The following DSCAML1 variants were observed in gnomAD, a reference collection of about 807,000 sequenced individuals.
DSCAML1 encodes DS cell adhesion molecule like 1, also known as cell adhesion molecule DSCAML1.
DSCAML1 carries 38 observed loss-of-function variants against 200.5 expected under a neutral mutation model. The observed-to-expected ratio is 0.19, with a 90% confidence interval of 0.15 to 0.25. The LOEUF is 0.25. Ranked by LOEUF, DSCAML1 falls within the 10% of genes least tolerant of loss-of-function variation. DSCAML1 has a pLI of 1.00. For missense variants in DSCAML1, 2,223 were observed against 2,858.8 expected (o/e 0.78, Z 5.07); for synonymous variants, 1,215 against 1,165.0 (o/e 1.04, Z -0.87).
At chr11:117,433,825 T>C (rs1424728181) in intron 27 of DSCAML1, among the ~76,000 whole-genome samples, 3 of 152,210 alleles carry the variant, frequency 2.0e-5, no homozygotes, top group Non-Finnish European at 4.4e-5. Context: ...CAGTGGAAGA[T>C]TTATCTTCAG....
At chr11:117,493,379 C>T (rs1158057827) in intron 11 of DSCAML1, among the ~76,000 whole-genome samples, 11 of 149,516 alleles carry the variant, frequency 7.4e-5, no homozygotes, top group Admixed American at 4.7e-4. Context: ...TGCAGTGGCA[C>T]GATCTTAGCT....
At chr11:117,738,189 A>G (rs896374338) in intron 3 of DSCAML1, among the ~76,000 whole-genome samples, 4 of 152,296 alleles carry the variant, frequency 2.6e-5, no homozygotes, top group East Asian at 3.9e-4. Context: ...AATGGCACCA[A>G]TTCATTTCTT....
At chr11:117,481,887 G>A (rs1303300410) in intron 12 of DSCAML1, 76 bp downstream of exon 12, 1 of 1,565,870 alleles carries the variant, frequency 6.4e-7, no homozygotes, top group Admixed American at 1.7e-5. Flanking sequence ...TTGCCTCCTG[G>A]ATGCAGATGT....
At chr11:117,433,291 A>T (rs773822193) in intron 28 of DSCAML1, 35 bp from the exon 29 acceptor site, 6 of 1,587,372 alleles carry the variant, frequency 3.8e-6, no homozygotes, top group Non-Finnish European at 4.3e-6. Context: ...GTGGCTCAGC[A>T]GCCATAAGGG....
At chr11:117,454,042 G>A (rs779333613) in intron 19 of DSCAML1, among the ~76,000 whole-genome samples, 1 of 152,104 alleles carries the variant, frequency 6.6e-6, no homozygotes, top group Non-Finnish European at 1.5e-5. Flanking sequence ...AGAGTTTGTA[G>A]AGCTTCTTGA....
intron 30 of DSCAML1, 58 bp downstream of exon 30, chr11:117,432,294 G>T: frequency 2.0e-6 from 3 of 1,536,896 alleles, no homozygotes; most frequent in Middle Eastern, 2.0e-4. Flanking sequence ...TCTGTGTCAT[G>T]CTATGCCCAA....
chr11:117,620,031 A>C (rs1461979415), intron 3 of DSCAML1, among the ~76,000 whole-genome samples: 1 of 152,244 alleles, frequency 6.6e-6, no homozygotes, highest in Non-Finnish European at 1.5e-5. Context: ...AAATTAGCAA[A>C]TTTCGTGAAA....
chr11:117,806,869 A>G (rs1406512888), intron 1 of DSCAML1, among the ~76,000 whole-genome samples: 2 of 152,216 alleles, frequency 1.3e-5, no homozygotes, highest in Admixed American at 1.3e-4. Context: ...CCCAGATGCT[A>G]CAAGAGTTGA....
chr11:117,614,412 G>T (rs1032902333), intron 3 of DSCAML1, among the ~76,000 whole-genome samples: 1 of 152,156 alleles, frequency 6.6e-6, no homozygotes, highest in Admixed American at 6.5e-5. Flanking sequence ...GTACTGGGGC[G>T]CAGTGTGGCC....
In DSCAML1 at chr11:117,437,905, G is replaced by A; in HGVS notation, c.4422C>T (p.Thr1474=). 1 of 1,609,134 alleles carries A rather than the reference G, an allele frequency of 6.2e-7. No homozygotes were observed. Among genetic ancestry groups the A allele is most frequent in the East Asian group, 2.2e-5 (1 of 44,842 alleles). The change falls in exon 25 of 33, where the codon ACC becomes ACT. Residue 1474 remains threonine, a synonymous_variant. Coordinates refer to ENST00000651296, the MANE Select transcript of DSCAML1 (RefSeq NM_020693.4). The surrounding 1 kb of genome is among the most constrained non-coding windows in gnomAD (Gnocchi z 5.3). ...GRISEIIEAK[T]HGREPSFSKD... Reference sequence around the variant, plus strand: ...TGGCCTGGGCCTCACCCCGCCCGTGGGTCTTGGCCTCGATGATCTCGCTGA... The same window carrying A: ...TGGCCTGGGCCTCACCCCGCCCGTGAGTCTTGGCCTCGATGATCTCGCTGA...
chr11:117,588,969 C>T (rs1183765669), intron 3 of DSCAML1, among the ~76,000 whole-genome samples: 1 of 152,176 alleles, frequency 6.6e-6, no homozygotes, highest in African/African-American at 2.4e-5. Flanking sequence ...AAATGAGCCT[C>T]ATCGACCCAA....
intron 3 of DSCAML1, among the ~76,000 whole-genome samples, chr11:117,610,507 C>T (rs927188374): frequency 1.3e-5 from 2 of 152,098 alleles, no homozygotes; most frequent in African/African-American, 2.4e-5. Flanking sequence ...CCTCCCCTTG[C>T]CCCCAAATGT....
chr11:117,629,958 C>T lies in DSCAML1; in HGVS notation c.512-97436G>A, dbSNP rs144970613. On this transcript the variant is annotated intron_variant, in intron 3 of 32. Coordinates refer to ENST00000651296, the MANE Select transcript of DSCAML1 (RefSeq NM_020693.4). ...CCCTGGAGTTCAGGGTTACTGTGAA[C>T]TAGGATTGCACCACTGCACTCTAGC... Among the ~76,000 whole-genome samples, 421 of 152,304 alleles carry T rather than the reference C, an allele frequency of 2.8e-3. 6 individuals are homozygous for T. The highest frequency in any genetic ancestry group is 9.7e-3 in the African/African-American group (405 of 41,570).
At chr11:117,507,067 T>G (rs545499260) in intron 8 of DSCAML1, among the ~76,000 whole-genome samples, 1 of 151,204 alleles carries the variant, frequency 6.6e-6, no homozygotes, top group South Asian at 2.1e-4. Flanking sequence ...CGATGTGAGA[T>G]GGATCCTCCT....
intron 4 of DSCAML1, among the ~76,000 whole-genome samples, chr11:117,530,892 C>A (rs2050065762): frequency 6.6e-6 from 1 of 152,176 alleles, no homozygotes; most frequent in African/African-American, 2.4e-5. Context: ...TAGCGTTCAT[C>A]CCCGTTCCAA....
At chr11:117,705,076 G>A (rs1462192141) in intron 3 of DSCAML1, among the ~76,000 whole-genome samples, 1 of 152,218 alleles carries the variant, frequency 6.6e-6, no homozygotes, top group Non-Finnish European at 1.5e-5. Flanking sequence ...GGCGGGGAAT[G>A]CAGATAAGCC....
At chr11:117,462,397 G>A (rs960867613) in intron 17 of DSCAML1, among the ~76,000 whole-genome samples, 4 of 152,252 alleles carry the variant, frequency 2.6e-5, no homozygotes, top group African/African-American at 7.2e-5. Context: ...GAAACCCCAC[G>A]CCCCAGGATC....
At chr11:117,764,199 C>T (rs1440794622) in intron 3 of DSCAML1, among the ~76,000 whole-genome samples, 3 of 152,204 alleles carry the variant, frequency 2.0e-5, no homozygotes, top group Non-Finnish European at 4.4e-5. Flanking sequence ...ATTCAAAACA[C>T]CAAGGCGTCT....
At chr11:117,814,110 C>G (rs1272696330) in intron 1 of DSCAML1, among the ~76,000 whole-genome samples, 2 of 151,810 alleles carry the variant, frequency 1.3e-5, no homozygotes, top group African/African-American at 4.9e-5. Context: ...AGAAGCTCCC[C>G]CACTGAGCAC....
Sources: allele counts gnomAD v4.1 joint callset (sites outside exome capture counted in the v4.1 genomes callset), GRCh38; gene constraint gnomAD v4.1.1; non-coding constraint Gnocchi (gnomAD v3.1); transcripts MANE v1.5; gene names NCBI Gene and HGNC (gene_info 2026-07-23, HGNC 2026-07-21).